CYFIP2: variants seen among roughly 807,000 people sequenced by gnomAD.
CYFIP2 encodes cytoplasmic FMR1 interacting protein 2.
In CYFIP2, 29 loss-of-function variants were observed where a neutral mutation model predicts 158.7. The ratio of observed to expected loss-of-function variants is 0.18; its 90% CI spans 0.14 to 0.25. The LOEUF (loss-of-function observed/expected upper bound fraction) is 0.25. Ranked by LOEUF, CYFIP2 falls within the 10% of genes least tolerant of loss-of-function variation. The pLI is 1.00. For synonymous variants in CYFIP2, 585 were observed against 617.6 expected (o/e 0.95, Z 0.78); for missense variants, 852 against 1,639.5 (o/e 0.52, Z 8.29).
At chr5:157,271,128 T>G (rs111370613) in intron 1 of CYFIP2, among the ~76,000 whole-genome samples, 12,446 of 152,198 alleles carry the variant, frequency 0.082, 667 homozygotes, top group Middle Eastern at 0.15. Flanking sequence ...TGGGCCATGA[T>G]AGATCGGTAA....
intron 1 of CYFIP2, among the ~76,000 whole-genome samples, chr5:157,270,522 C>T (rs1281606314): frequency 6.6e-6 from 1 of 152,156 alleles, no homozygotes; most frequent in East Asian, 1.9e-4. Context: ...AAGGAATATC[C>T]GAGAACTATT....
At chr5:157,317,850 G>T (rs1392754061) in intron 13 of CYFIP2, among the ~76,000 whole-genome samples, 1 of 152,058 alleles carries the variant, frequency 6.6e-6, no homozygotes, top group African/African-American at 2.4e-5. Context: ...GATGAGTTTT[G>T]GTATTATTCT....
chr5:157,369,535 C>T (rs1764769711), intron 26 of CYFIP2, among the ~76,000 whole-genome samples: 1 of 152,092 alleles, frequency 6.6e-6, no homozygotes, highest in African/African-American at 2.4e-5. Flanking sequence ...CTCAAGATAC[C>T]ACCATTTGAG....
At position 157,278,180 on chromosome 5, in the gene CYFIP2, T is replaced by C. The variant is rs527763048; in HGVS notation, c.-23-7159T>C. ...TATCTATATAATATTTTCTTTGTAG[T>C]AATATATGTATACATATGTGTATAT... On this transcript the variant is annotated intron_variant, in intron 1 of 30. Coordinates refer to ENST00000620254, the MANE Select transcript of CYFIP2 (RefSeq NM_001037333.3). Among the ~76,000 whole-genome samples, 16 of 151,874 alleles carry C rather than the reference T, an allele frequency of 1.1e-4. No homozygotes were observed. The East Asian group carries it at 2.5e-3, about 24-fold the overall frequency.
chr5:157,346,747 A>G (rs1439044432), intron 23 of CYFIP2, among the ~76,000 whole-genome samples: 5 of 152,248 alleles, frequency 3.3e-5, no homozygotes, highest in Non-Finnish European at 7.3e-5. Context: ...TGGGTGCAGA[A>G]ACAGCCCCAG....
rs1409092101 is a variant in CYFIP2 at position 157,392,856 on chromosome 5, G to A, written c.3618G>A (p.Arg1206=). The part of the protein sequence containing the change: ...KNVPLKKMAD[R]IRKYQILNNE... ...AGCCCCTGAAGAAGATGGCCGACCG[G>A]ATCAGGAAGTATCAGATCTTGAACA... The change falls in exon 31 of 31, where the codon CGG becomes CGA. Residue 1206 remains arginine (R), a synonymous_variant. Coordinates refer to ENST00000620254, the MANE Select transcript of CYFIP2 (RefSeq NM_001037333.3). 3 of 1,613,744 alleles carry A rather than the reference G, an allele frequency of 1.9e-6. No individual in the cohort carries two copies. Among genetic ancestry groups the A allele is most frequent in the Non-Finnish European group, 2.5e-6 (3 of 1,179,852 alleles).
intron 6 of CYFIP2, 124 bp downstream of exon 6, chr5:157,301,020 C>T (rs970705231): frequency 9.7e-6 from 8 of 822,128 alleles, no homozygotes; most frequent in Non-Finnish European, 1.4e-5. Context: ...AACTAGCCAT[C>T]CCCCAAACAT....
chr5:157,287,144 C>T, intron 3 of CYFIP2, 36 bp downstream of exon 3: 1 of 1,587,582 alleles, frequency 6.3e-7, no homozygotes, highest in South Asian at 1.1e-5. Context: ...AGACATGCTC[C>T]CTGCTGGGCT....
chr5:157,343,576 C>T, intron 23 of CYFIP2: 1 of 1,479,770 alleles, frequency 6.8e-7, no homozygotes, highest in African/African-American at 1.4e-5. Flanking sequence ...GAGTGACATC[C>T]CCTGATTTAA....
rs753824205 is a variant in CYFIP2, at chr5:157,382,623, G to T, written c.3073G>T (p.Ala1025Ser). The stretch of plus-strand genomic sequence containing the variant: ...GGAGGTCTGCGATTTGCTCCATGCC[G>T]CACCCTTCCAAAACATCTTGCCTAG... ...QEEVCDLLHA[A>S]PFQNILPRVY... Residue 1025 changes from alanine to serine, a missense_variant, in exon 27 of 31, where the codon GCA becomes TCA. Ala to Ser is a moderately conservative substitution (Grantham distance 99). This residue lies in a region of CYFIP2 where 223 missense variants were observed against 381.6 expected (regional missense o/e 0.58). Coordinates refer to ENST00000620254, the MANE Select transcript of CYFIP2 (RefSeq NM_001037333.3). The T allele has an allele frequency of 1.2e-6, 2 of 1,613,904 alleles. No individual in the cohort carries two copies. Among genetic ancestry groups the T allele is most frequent in the Non-Finnish European group, 1.7e-6 (2 of 1,179,866 alleles).
chr5:157,285,263 G>A, intron 1 of CYFIP2, 76 bp from the exon 2 acceptor site: 1 of 939,874 alleles, frequency 1.1e-6, no homozygotes, highest in South Asian at 1.4e-5. Flanking sequence ...CCCAAAGGAT[G>A]CTGGTCATGG....
chr5:157,319,774 A>G lies in CYFIP2; in HGVS notation c.1369A>G (p.Ile457Val). The change falls in exon 14 of 31, where the codon ATC becomes GTC. Residue 457 changes from isoleucine to valine, a missense_variant. This residue lies in a region of CYFIP2 where 167 missense variants were observed against 343.3 expected (regional missense o/e 0.49). Transcript: ENST00000620254. ...TCTTCCTGCCCAGGTGATCGCCATG[A>G]TCAAAGGCCTGCAGGTGCTCATGGG... ...KFAFVEVIAM[I>V]KGLQVLMGRM... The G allele has an allele frequency of 1.2e-5, 20 of 1,614,008 alleles. No homozygotes were observed. Among genetic ancestry groups the G allele is most frequent in the Non-Finnish European group, 1.7e-5 (20 of 1,179,900 alleles).
rs370992962 is a variant in CYFIP2, at chr5:157,323,994, G to A, written c.1745G>A (p.Ser582Asn). 6.2e-6 allele frequency: 10 copies of A among 1,612,730 alleles called. No individual in the cohort carries two copies. The highest frequency in any genetic ancestry group is 7.6e-6 in the Non-Finnish European group (9 of 1,179,436). The change falls in exon 16 of 31, where the codon AGC becomes AAC. Residue 582 changes from serine (S) to asparagine (N), a missense_variant. Physicochemically the swap from Ser to Asn is conservative, Grantham distance 46 (BLOSUM62 1). This residue lies in a region of CYFIP2 where 167 missense variants were observed against 343.3 expected (regional missense o/e 0.49). Coordinates refer to ENST00000620254, the MANE Select transcript of CYFIP2 (RefSeq NM_001037333.3). Reference protein sequence around the residue: ...KSGSKKTLRSSLDGPIVLAIE... With the variant: ...KSGSKKTLRSNLDGPIVLAIE... Reference sequence around the variant, plus strand: ...GGCTCCAAGAAGACCCTGAGGAGCAGCCTGGATGGACCCATTGTCCTCGCC... The same window carrying A: ...GGCTCCAAGAAGACCCTGAGGAGCAACCTGGATGGACCCATTGTCCTCGCC...
chr5:157,324,219 C>A, intron 16 of CYFIP2, 145 bp downstream of exon 16: 1 of 1,011,222 alleles, frequency 9.9e-7, no homozygotes, highest in South Asian at 2.2e-5. Flanking sequence ...AAAACACATA[C>A]ACTTTCCAGT....
At chr5:157,372,513 A>G (rs906021148) in intron 26 of CYFIP2, among the ~76,000 whole-genome samples, 10 of 152,318 alleles carry the variant, frequency 6.6e-5, no homozygotes, top group African/African-American at 2.4e-4. Flanking sequence ...GTTAAGAAGG[A>G]AAGGGGTTAA....
At chr5:157,373,648 G>A (rs931644986) in intron 26 of CYFIP2, among the ~76,000 whole-genome samples, 1 of 152,104 alleles carries the variant, frequency 6.6e-6, no homozygotes, top group Non-Finnish European at 1.5e-5. Flanking sequence ...CCAGATAGAA[G>A]CTTTGTACTG....
intron 3 of CYFIP2, among the ~76,000 whole-genome samples, chr5:157,288,170 TGA>T (rs1757541669): frequency 6.6e-6 from 1 of 152,140 alleles, no homozygotes; most frequent in Admixed American, 6.6e-5. Flanking sequence ...CAGTATCTGG[TGA>T]GAGCCTTCTT....
At chr5:157,359,528 G>A (rs1055703467) in intron 24 of CYFIP2, among the ~76,000 whole-genome samples, 4 of 152,208 alleles carry the variant, frequency 2.6e-5, no homozygotes, top group South Asian at 2.1e-4. Context: ...CATTTTCCAC[G>A]CCCTTACCCA....
At chr5:157,285,725 C>T (rs1757323772) in intron 2 of CYFIP2, among the ~76,000 whole-genome samples, 1 of 152,240 alleles carries the variant, frequency 6.6e-6, no homozygotes, top group Non-Finnish European at 1.5e-5. Flanking sequence ...CAAATACCTT[C>T]CAGGCTATTC....
Sources: gnomAD v4.1 joint callset for allele counts (sites outside exome capture counted in the v4.1 genomes callset) on GRCh38, gnomAD v4.1.1 for gene constraint, gnomAD v4.1.1 regional missense constraint, MANE v1.5 for transcripts, NCBI Gene and HGNC (gene_info 2026-07-23, HGNC 2026-07-21) for gene names.